The following ZNF254 variants were observed in gnomAD, a reference collection of about 807,000 sequenced individuals.
ZNF254 encodes CTD-2017D11.1.
A neutral mutation model predicts 12.4 loss-of-function variants in ZNF254; 10 were observed. The observed-to-expected ratio is 0.80, with a 90% CI of 0.50 to 1.36. The LOEUF is 1.36. ZNF254 is among the 40% of genes most tolerant of loss of function. The pLI is 0.00. For synonymous variants in ZNF254, 305 were observed against 253.4 expected (o/e 1.20, Z -1.93); for missense variants, 996 against 763.9 (o/e 1.30, Z -3.58).
At chr19:24,038,255 C>G (rs559729376) in intron 1 of ZNF254, among the ~76,000 whole-genome samples, 1 of 152,288 alleles carries the variant, frequency 6.6e-6, no homozygotes, top group South Asian at 2.1e-4. Flanking sequence ...AGTCCTGGTT[C>G]CAAGTTTCAA....
intron 1 of ZNF254, among the ~76,000 whole-genome samples, chr19:24,097,845 C>CA (rs982953149): frequency 9.5e-4 from 140 of 147,518 alleles, no homozygotes; most frequent in African/African-American, 2.6e-3. Flanking sequence ...CAAACAACAA[C>CA]AAAAAAAACA....
intron 3 of ZNF254, among the ~76,000 whole-genome samples, chr19:24,125,222 CTTT>C (rs764449404): frequency 3.1e-5 from 4 of 130,748 alleles, no homozygotes; most frequent in Admixed American, 1.5e-4. Flanking sequence ...ATTTTTACAT[CTTT>C]TTTTTTTTTT....
chr19:24,086,637 C>T (rs889862340), upstream of ZNF254, among the ~76,000 whole-genome samples: 1 of 152,046 alleles, frequency 6.6e-6, no homozygotes, highest in Non-Finnish European at 1.5e-5. Context: ...GCCACTACGC[C>T]CAGCTAATTT....
chr19:24,072,736 A>G (rs1971525535), intron 2 of ZNF254, among the ~76,000 whole-genome samples: 1 of 152,228 alleles, frequency 6.6e-6, no homozygotes, highest in South Asian at 2.1e-4. Context: ...AACTTGGCCC[A>G]GTATCCAAGT....
chr19:24,122,023 T>A (rs1974516646), intron 3 of ZNF254, among the ~76,000 whole-genome samples: 1 of 152,212 alleles, frequency 6.6e-6, no homozygotes, highest in South Asian at 2.1e-4. Context: ...GATTTGAATA[T>A]AATTTAAAAC....
chr19:24,073,252 C>T (rs1318331407), intron 2 of ZNF254, among the ~76,000 whole-genome samples: 1 of 152,112 alleles, frequency 6.6e-6, no homozygotes, highest in Non-Finnish European at 1.5e-5. Flanking sequence ...GCATGCAGTC[C>T]ACAGTAAAAA....
chr19:24,126,146 T>C, intron 3 of ZNF254, 108 bp from the exon 4 acceptor site: 2 of 712,474 alleles, frequency 2.8e-6, no homozygotes, highest in Non-Finnish European at 4.1e-6. Flanking sequence ...TATTTTGCAA[T>C]GCTATCTTGT....
At chr19:24,054,100 CCT>C (rs1970751133) in intron 2 of ZNF254, among the ~76,000 whole-genome samples, 1 of 152,154 alleles carries the variant, frequency 6.6e-6, no homozygotes, top group Non-Finnish European at 1.5e-5. Context: ...CTCTTCTGCC[CCT>C]GTCTTGCCCC....
chr19:24,034,471 T>C (rs765674112), intron 1 of ZNF254, among the ~76,000 whole-genome samples: 65 of 150,282 alleles, frequency 4.3e-4, no homozygotes, highest in Non-Finnish European at 8.6e-4. Flanking sequence ...ATGACAAATT[T>C]AGATTTAGGT....
At chr19:24,082,482 TAAA>T (rs748512682), upstream of ZNF254, among the ~76,000 whole-genome samples, 4 of 70,318 alleles carry the variant, frequency 5.7e-5, no homozygotes, top group African/African-American at 1.1e-4. Context: ...CCATCTATAC[TAAA>T]AAAAAAAAAA....
intron 2 of ZNF254, 94 bp from the exon 3 acceptor site, chr19:24,106,454 G>A (rs1364568187): frequency 1.1e-6 from 1 of 946,382 alleles, no homozygotes; most frequent in Non-Finnish European, 1.5e-6. Context: ...AACTTTGTTA[G>A]CATATTCTAT....
At chr19:24,074,019 C>T (rs1388305999) in intron 2 of ZNF254, among the ~76,000 whole-genome samples, 1 of 152,174 alleles carries the variant, frequency 6.6e-6, no homozygotes, top group East Asian at 1.9e-4. Context: ...CTACATTTGC[C>T]TCAGCACTGC....
chr19:24,114,292 A>C (rs1458238899), intron 3 of ZNF254, among the ~76,000 whole-genome samples: 2 of 149,532 alleles, frequency 1.3e-5, no homozygotes, highest in African/African-American at 4.9e-5. Flanking sequence ...ACAAGGCTAC[A>C]GTAACCAAAA....
intron 1 of ZNF254, among the ~76,000 whole-genome samples, chr19:24,042,290 C>T (rs560436938): frequency 1.3e-5 from 2 of 152,140 alleles, no homozygotes; most frequent in African/African-American, 2.4e-5. Context: ...CACCAATCAG[C>T]GCCCTGACAA....
chr19:24,049,206 ATATATATATTTT>A lies in ZNF254; in HGVS notation c.-94+2929_-94+2940del, dbSNP rs1450492104. 2.7e-3 allele frequency among the ~76,000 whole-genome samples: 144 copies of A among 53,828 alleles called. 3 individuals carry two copies. Among genetic ancestry groups the A allele is most frequent in the South Asian group, 0.02 (37 of 1,878 alleles). The allele number at this position is 53,828 out of a possible 152,430, so 35.3% of individuals were successfully genotyped here. A position where few individuals can be genotyped will look rare whatever the true frequency, so the allele number is the denominator to read the frequency against. ...GTTTTATATATATATATATATATAT[ATATATATATTTT>A]TTTTTTTTTTTTAATTTATTTATTA... On this transcript the variant is annotated intron_variant, in intron 2 of 4. Coordinates refer to the ZNF254 transcript ENST00000613065.
intron 2 of ZNF254, among the ~76,000 whole-genome samples, chr19:24,058,643 G>A (rs1970955303): frequency 1.3e-5 from 2 of 151,922 alleles, no homozygotes; most frequent in South Asian, 4.2e-4. Flanking sequence ...CCTGACCTCA[G>A]GTGATCCACC....
chr19:24,119,005 G>A (rs994879536), intron 3 of ZNF254, among the ~76,000 whole-genome samples: 2 of 151,756 alleles, frequency 1.3e-5, no homozygotes, highest in African/African-American at 2.4e-5. Context: ...CAGGCTACTC[G>A]GGAGGCTGAG....
At chr19:24,036,207 C>T (rs62117629) in intron 1 of ZNF254, among the ~76,000 whole-genome samples, 24,137 of 151,692 alleles carry the variant, frequency 0.16, 2,094 homozygotes, top group Middle Eastern at 0.23. Context: ...GGACTATAGG[C>T]GCCTGCCACC....
intron 2 of ZNF254, among the ~76,000 whole-genome samples, chr19:24,075,451 A>C (rs537765373): frequency 3.3e-5 from 5 of 152,342 alleles, no homozygotes; most frequent in African/African-American, 1.2e-4. Context: ...CCGGGGTGAC[A>C]TCACATGTCA....
Sources: gnomAD v4.1 joint callset for allele counts (sites outside exome capture counted in the v4.1 genomes callset) on GRCh38, gnomAD v4.1.1 for gene constraint, MANE v1.5 for transcripts, NCBI Gene and HGNC (gene_info 2026-07-23, HGNC 2026-07-21) for gene names.